Variants in PASD1 observed in about 807,000 individuals in gnomAD.
PASD1 encodes circadian clock protein PASD1.
Under a neutral mutation model 58.8 loss-of-function variants are expected in PASD1, and 13 were observed. That is an observed-to-expected ratio of 0.22 (90% confidence interval 0.14 to 0.35). The LOEUF (loss-of-function observed/expected upper bound fraction) is 0.35, where lower values mean the gene tolerates loss of function less well. PASD1 is among the 10% of genes least tolerant of loss of function. The pLI is 1.00. For synonymous variants in PASD1, 236 were observed against 216.7 expected, an observed-to-expected ratio of 1.09 and a Z score of -0.78; for missense variants, 734 against 568.3, an observed-to-expected ratio of 1.29 and a Z score of -2.96.
At chrX:151,583,926 G>C (rs1042161885) in intron 1 of PASD1, among the ~76,000 whole-genome samples, 47 of 112,204 alleles carry the variant, frequency 4.2e-4, no homozygotes, top group African/African-American at 1.5e-3. Flanking sequence ...TTTACTGATA[G>C]TTCTATCAGT....
At chrX:151,587,225 CTT>C (rs33922090) in intron 1 of PASD1, among the ~76,000 whole-genome samples, 7,448 of 82,120 alleles carry the variant, frequency 0.091, 251 homozygotes, top group African/African-American at 0.18. Context: ...CTGGGTTTGC[CTT>C]TTTTTTTTTT....
Position 151,627,372 on chromosome X carries a change from C to T in PASD1, c.629+1842C>T, listed in dbSNP as rs183137744. 2.8e-5 allele frequency among the ~76,000 whole-genome samples: 3 copies of T among 106,785 alleles called. No individual in the cohort carries two copies. In the East Asian group the frequency reaches 9.0e-4, roughly 32 times the overall value. The allele number at this position is 106,785 out of a possible 115,157, so 92.7% of individuals were successfully genotyped here. A position where few individuals can be genotyped will look rare whatever the true frequency, so the allele number is the denominator to read the frequency against. On this transcript the variant is annotated intron_variant, in intron 8 of 15. Coordinates refer to ENST00000370357, the MANE Select transcript of PASD1 (RefSeq NM_173493.3). ...CCTCCCCACTCCCCCCACCCCACAA[C>T]AGGCCCCAGTGTGTGATGTTCCCCT...
Position 151,659,827 on chromosome X carries a change from G to C in PASD1, c.832G>C (p.Glu278Gln). 1.7e-6 allele frequency: 2 copies of C among 1,205,302 alleles called. No individual in the cohort carries two copies. Among genetic ancestry groups the C allele is most frequent in the Non-Finnish European group, 2.2e-6 (2 of 891,066 alleles). Residue 278 changes from glutamate to glutamine, a missense_variant, in exon 10 of 16, where the codon GAA (glutamate) becomes CAA (glutamine). Transcript: ENST00000370357. ...TACAGTTTTCCTGGATACTATGCCTGAATCTCCAGGTAGGTACATTTATGC... is the reference window on the plus strand; with the variant it reads ...TACAGTTTTCCTGGATACTATGCCTCAATCTCCAGGTAGGTACATTTATGC... ...SSTVFLDTMP[E>Q]SPALSLQDFR...
At chrX:151,582,291 T>C (rs1272700832) in intron 1 of PASD1, among the ~76,000 whole-genome samples, 1 of 110,932 alleles carries the variant, frequency 9.0e-6, no homozygotes, top group Non-Finnish European at 1.9e-5. Context: ...CCCCCGCTTT[T>C]TTTTGAGACA....
chrX:151,591,270 A>G lies in PASD1; in HGVS notation c.-27-10257A>G, dbSNP rs779506172. 3.6e-5 allele frequency among the ~76,000 whole-genome samples: 4 copies of G among 111,893 alleles called. No homozygotes were observed. The East Asian group carries it at 8.5e-4, about 24-fold the overall frequency. On this transcript the variant is annotated intron_variant, in intron 1 of 15. Transcript: ENST00000370357. The stretch of plus-strand genomic sequence containing the variant: ...AGCCAATGATGAATTAAATCCACCT[A>G]TTCAGTGTGTCTTCTTGTAAACTAA...
chrX:151,568,477 T>A (rs2012879683), intron 1 of PASD1, among the ~76,000 whole-genome samples: 1 of 111,880 alleles, frequency 8.9e-6, no homozygotes, highest in African/African-American at 3.2e-5. Flanking sequence ...ATACCTGAGA[T>A]CAAGGCACAC....
intron 1 of PASD1, among the ~76,000 whole-genome samples, chrX:151,593,339 G>C (rs899235997): frequency 4.4e-4 from 48 of 109,859 alleles, no homozygotes; most frequent in Non-Finnish European, 7.6e-4. Flanking sequence ...TTGGTTTGCT[G>C]CACCCATCAA....
At chrX:151,598,235 C>T (rs756446047) in intron 1 of PASD1, among the ~76,000 whole-genome samples, 2 of 111,513 alleles carry the variant, frequency 1.8e-5, no homozygotes, top group Admixed American at 1.9e-4. Context: ...TTTGAATGTT[C>T]AAATCGATCA....
At chrX:151,663,737 T>TC (rs2124310760) in intron 10 of PASD1, among the ~76,000 whole-genome samples, 1 of 112,261 alleles carries the variant, frequency 8.9e-6, no homozygotes, top group East Asian at 2.8e-4. Flanking sequence ...CTTTGAGCAC[T>TC]CCCGAGGTCC....
intron 4 of PASD1, among the ~76,000 whole-genome samples, chrX:151,617,737 TA>T (rs1216222510): frequency 8.9e-6 from 1 of 112,152 alleles, no homozygotes; most frequent in Non-Finnish European, 1.9e-5. Context: ...TTGAGGCAGC[TA>T]TGGTGTAGTA....
At chrX:151,642,190 G>A (rs1394233676) in intron 8 of PASD1, among the ~76,000 whole-genome samples, 1 of 111,771 alleles carries the variant, frequency 8.9e-6, no homozygotes, top group Non-Finnish European at 1.9e-5. Flanking sequence ...AAGTGAGAAC[G>A]CAATGGGCTT....
Position 151,672,422 on chromosome X carries a change from G to C in PASD1, c.1677G>C (p.Glu559Asp). 6 of 1,211,761 alleles carry C rather than the reference G, an allele frequency of 5.0e-6. No homozygotes were observed. The highest frequency in any genetic ancestry group is 5.6e-6 in the Non-Finnish European group (5 of 895,441). ...GGCAGATGCTACAGAAAGAGCCAGA[G>C]GAGGAGCAGCAGAAGCAGCAGCTGC... The part of the protein sequence containing the change: ...WQGQMLQKEP[E>D]EEQQKQQLQE... The change falls in exon 14 of 16, where the codon GAG becomes GAC. Residue 559 changes from glutamate to aspartate, a missense_variant. Glu to Asp is a conservative substitution (Grantham distance 45, BLOSUM62 2). Transcript: ENST00000370357.
intron 14 of PASD1, chrX:151,672,924 G>C: frequency 2.9e-6 from 1 of 350,360 alleles, no homozygotes; most frequent in Non-Finnish European, 4.8e-6. Context: ...CAATGCTAGG[G>C]AATTAGCCCA....
chrX:151,582,421 A>G (rs2013112028), intron 1 of PASD1, among the ~76,000 whole-genome samples: 1 of 111,347 alleles, frequency 9.0e-6, no homozygotes, highest in Admixed American at 9.6e-5. Context: ...AGCTGGGACT[A>G]CAGACCTGTA....
chrX:151,626,006 A>G (rs2013781998), intron 8 of PASD1, among the ~76,000 whole-genome samples: 1 of 111,834 alleles, frequency 8.9e-6, no homozygotes, highest in Admixed American at 9.5e-5. Flanking sequence ...TTCCCAGCTC[A>G]TATAATTCAC....
rs112283058 is a variant in PASD1 at position 151,614,222 on chromosome X, C to T, written c.207+2469C>T. Among the ~76,000 whole-genome samples the T allele has an allele frequency of 1.7e-4, 19 of 111,012 alleles. No homozygotes were observed. In the South Asian group the frequency reaches 3.1e-3, roughly 18 times the overall value. ...CTGGTCTCGAACTCCTGACCTCAAG[C>T]GATCCGCCCATCTCGGCCTCCCAAA... is the stretch of plus-strand genomic sequence containing the variant. On this transcript the variant is annotated intron_variant, in intron 4 of 15. Coordinates refer to ENST00000370357, the MANE Select transcript of PASD1 (RefSeq NM_173493.3).
At chrX:151,626,916 T>C (rs2013795947) in intron 8 of PASD1, among the ~76,000 whole-genome samples, 1 of 111,691 alleles carries the variant, frequency 9.0e-6, no homozygotes, top group Non-Finnish European at 1.9e-5. Flanking sequence ...TCCATTCCCA[T>C]CAGAAGAGTA....
At chrX:151,612,828 T>A (rs376357906) in intron 4 of PASD1, among the ~76,000 whole-genome samples, 7 of 111,876 alleles carry the variant, frequency 6.3e-5, no homozygotes, top group African/African-American at 2.3e-4. Flanking sequence ...TTAATTAGAT[T>A]CCATTTGTCA....
At chrX:151,581,406 A>G (rs1395583352) in intron 1 of PASD1, among the ~76,000 whole-genome samples, 1 of 108,789 alleles carries the variant, frequency 9.2e-6, no homozygotes, top group Non-Finnish European at 1.9e-5. Context: ...AGCCTGGGAA[A>G]TATAGTAAAA....
Sources: gnomAD v4.1 joint callset for allele counts (sites outside exome capture counted in the v4.1 genomes callset) on GRCh38, gnomAD v4.1.1 for gene constraint, MANE v1.5 for transcripts, NCBI Gene and HGNC (gene_info 2026-07-23, HGNC 2026-07-21) for gene names.